The following PCDH15 variants were observed in gnomAD, a reference collection of about 807,000 sequenced individuals.
PCDH15 encodes protocadherin-15.
Under a neutral mutation model 178.5 loss-of-function variants are expected in PCDH15, and 129 were observed. The ratio of observed to expected loss-of-function variants is 0.72; its 90% CI spans 0.63 to 0.84. The LOEUF (loss-of-function observed/expected upper bound fraction) is 0.84, where lower values mean the gene tolerates loss of function less well. Among genes scored for constraint, PCDH15 ranks in the 40% least tolerant of loss-of-function variants. The probability of loss-of-function intolerance (pLI) is 0.00; values close to 1 mark genes in which losing one functional copy is unlikely to be tolerated. For missense variants in PCDH15, 2,230 were observed against 2,099.9 expected (o/e 1.06, Z -1.21); for synonymous variants, 800 against 732.0 (o/e 1.09, Z -1.50).
intron 2 of PCDH15, among the ~76,000 whole-genome samples, chr10:54,928,340 CCT>C (rs1010992598): frequency 6.6e-6 from 1 of 152,044 alleles, no homozygotes. Flanking sequence ...TTTGTGGTGA[CCT>C]GACCTTTCTC....
At chr10:54,383,637 G>GTGTT (rs1187254465) in intron 3 of PCDH15, among the ~76,000 whole-genome samples, 1 of 149,862 alleles carries the variant, frequency 6.7e-6, no homozygotes, top group African/African-American at 2.5e-5. Context: ...TTTTGTGTGT[G>GTGTT]TGTGTGTGTG....
intron 2 of PCDH15, among the ~76,000 whole-genome samples, chr10:54,949,396 C>T (rs991605893): frequency 6.6e-6 from 1 of 151,872 alleles, no homozygotes; most frequent in Non-Finnish European, 1.5e-5. Flanking sequence ...CTCATGAGAA[C>T]AGCATGGGAG....
At chr10:55,139,837 G>A (rs1473635844) in intron 2 of PCDH15, among the ~76,000 whole-genome samples, 1 of 151,830 alleles carries the variant, frequency 6.6e-6, no homozygotes, top group East Asian at 1.9e-4. Flanking sequence ...ATTTTAGTAT[G>A]AATTTGTCAA....
At chr10:55,368,770 C>G (rs1460181583) in intron 2 of PCDH15, among the ~76,000 whole-genome samples, 3 of 151,946 alleles carry the variant, frequency 2.0e-5, no homozygotes, top group Non-Finnish European at 2.9e-5. Flanking sequence ...GAAAATGACA[C>G]TCTTTTGACA....
At chr10:53,989,624 C>T (rs2091330605) in intron 21 of PCDH15, among the ~76,000 whole-genome samples, 1 of 152,050 alleles carries the variant, frequency 6.6e-6, no homozygotes, top group African/African-American at 2.4e-5. Flanking sequence ...CTGACATTCA[C>T]AGTAAAAGTA....
chr10:55,425,055 CT>C (rs1413948086), intron 2 of PCDH15, among the ~76,000 whole-genome samples: 1 of 151,388 alleles, frequency 6.6e-6, no homozygotes, highest in African/African-American at 2.4e-5. Flanking sequence ...ACAAATGATG[CT>C]TTTTAAAAGC....
At chr10:54,349,687 AT>A (rs1278017186) in intron 5 of PCDH15, among the ~76,000 whole-genome samples, 12 of 152,218 alleles carry the variant, frequency 7.9e-5, no homozygotes, top group African/African-American at 2.9e-4. Context: ...AATGTTTAAT[AT>A]GTAGTCCTTT....
In PCDH15 at chr10:55,220,165, T is replaced by C. The variant is rs975614722; in HGVS notation, c.-155-53514A>G. Among the ~76,000 whole-genome samples, 12 of 152,148 alleles carry C rather than the reference T, an allele frequency of 7.9e-5. No homozygotes were observed. The South Asian group carries it at 1.2e-3, about 16-fold the overall frequency. ...AGTCCTAAGTATATTGATCACCCTATTGGTGACTTATCATAATGGTACCAA... is the reference window on the plus strand; with the variant it reads ...AGTCCTAAGTATATTGATCACCCTACTGGTGACTTATCATAATGGTACCAA... On this transcript the variant is annotated intron_variant, in intron 1 of 5. Coordinates refer to the PCDH15 transcript ENST00000458638.
In PCDH15 at chr10:55,625,672, C is replaced by T. The variant is rs73265305; in HGVS notation, c.-156+1953G>A. On this transcript the variant is annotated intron_variant, in intron 2 of 5. Coordinates refer to the PCDH15 transcript ENST00000613346. The stretch of plus-strand genomic sequence containing the variant: ...CCTCCTTGGGATTCTAAAGTCTTTT[C>T]AAAGCATTTACCAAGCAAAGAATCT... Among the ~76,000 whole-genome samples the T allele has an allele frequency of 6.5e-3, 991 of 152,200 alleles. 15 individuals carry two copies. Among genetic ancestry groups the T allele is most frequent in the African/African-American group, 0.023 (940 of 41,526 alleles).
At chr10:54,577,071 C>T (rs1326469970) in intron 2 of PCDH15, among the ~76,000 whole-genome samples, 2 of 129,540 alleles carry the variant, frequency 1.5e-5, no homozygotes, top group African/African-American at 5.7e-5. Flanking sequence ...ACCTGAAAGA[C>T]CTGAAGAAAA....
intron 2 of PCDH15, among the ~76,000 whole-genome samples, chr10:54,660,960 T>C (rs183631593): frequency 5.9e-5 from 9 of 151,526 alleles, no homozygotes; most frequent in Admixed American, 5.9e-4. Flanking sequence ...AAAAACATAC[T>C]GCAAAATAAT....
At chr10:55,322,772 T>G (rs529271911), upstream of PCDH15, among the ~76,000 whole-genome samples, 2 of 148,228 alleles carry the variant, frequency 1.3e-5, no homozygotes, top group African/African-American at 5.0e-5. Context: ...ATTGGAAAAT[T>G]TGCAGCCTGA....
Position 54,923,552 on chromosome 10 carries a change from A to G in PCDH15, c.-79-26052T>C, listed in dbSNP as rs1283155987. On this transcript the variant is annotated intron_variant, in intron 2 of 5. Transcript: ENST00000458638. ...GACCATTTCCTTGTGAGTACATGTG[A>G]GCTTATGCTCTTAGAAGCAGCCAGG... Among the ~76,000 whole-genome samples the G allele has an allele frequency of 1.5e-5, 2 of 137,640 alleles. 1 individual carries two copies. The highest frequency in any genetic ancestry group is 5.0e-5 in the African/African-American group (2 of 39,832). The allele number at this position is 137,640 out of a possible 152,430, so 90.3% of individuals were successfully genotyped here.
At chr10:54,489,062 C>A (rs1268188353) in intron 3 of PCDH15, among the ~76,000 whole-genome samples, 1 of 151,972 alleles carries the variant, frequency 6.6e-6, no homozygotes, top group Admixed American at 6.6e-5. Flanking sequence ...ACATGAATGG[C>A]TCACCAGAGT....
intron 12 of PCDH15, 96 bp from the exon 13 acceptor site, chr10:54,183,689 T>C (rs2048225241): frequency 7.0e-7 from 1 of 1,438,282 alleles, no homozygotes; most frequent in Non-Finnish European, 9.7e-7. Context: ...TTACAGGTAA[T>C]CTTACAATTT....
At chr10:55,186,399 C>T (rs1048897004) in intron 1 of PCDH15, among the ~76,000 whole-genome samples, 1 of 151,046 alleles carries the variant, frequency 6.6e-6, no homozygotes, top group African/African-American at 2.4e-5. Context: ...TCAACATCTG[C>T]CACTATAATA....
At chr10:54,691,272 A>G (rs912097119) in intron 1 of PCDH15, among the ~76,000 whole-genome samples, 10 of 152,092 alleles carry the variant, frequency 6.6e-5, no homozygotes, top group African/African-American at 2.4e-4. Context: ...TTTCTTAATG[A>G]GTAGTAATCT....
chr10:55,583,400 G>A (rs1291215311), intron 2 of PCDH15, among the ~76,000 whole-genome samples: 2 of 152,092 alleles, frequency 1.3e-5, no homozygotes, highest in Non-Finnish European at 2.9e-5. Context: ...GTAAGTGTAT[G>A]TTCTGTTGGA....
intron 1 of PCDH15, among the ~76,000 whole-genome samples, chr10:54,681,037 GCT>G (rs1459181419): frequency 2.6e-5 from 4 of 152,106 alleles, no homozygotes; most frequent in Non-Finnish European, 5.9e-5. Flanking sequence ...ACTTTCAATG[GCT>G]CTGAGTGGGG....
Sources: allele counts gnomAD v4.1 joint callset (sites outside exome capture counted in the v4.1 genomes callset), GRCh38; gene constraint gnomAD v4.1.1; transcripts MANE v1.5; gene names NCBI Gene and HGNC (gene_info 2026-07-23, HGNC 2026-07-21).